The following ARFGEF3 variants were observed in gnomAD, a reference collection of about 807,000 sequenced individuals.
ARFGEF3 encodes brefeldin A-inhibited guanine nucleotide-exchange protein 3.
ARFGEF3 carries 96 observed loss-of-function variants against 221.7 expected under a neutral mutation model. The ratio of observed to expected loss-of-function variants is 0.43; its 90% CI spans 0.37 to 0.51. The LOEUF (loss-of-function observed/expected upper bound fraction) is 0.51, where lower values mean the gene tolerates loss of function less well. Ranked by LOEUF, ARFGEF3 falls within the 20% of genes least tolerant of loss-of-function variation. The probability of loss-of-function intolerance (pLI) is 0.00; values close to 1 mark genes in which losing one functional copy is unlikely to be tolerated. For missense variants in ARFGEF3, 2,410 were observed against 2,789.9 expected, an observed-to-expected ratio of 0.86 and a Z score of 3.07; for synonymous variants, 1,145 against 1,126.8, an observed-to-expected ratio of 1.02 and a Z score of -0.32.
intron 14 of ARFGEF3, among the ~76,000 whole-genome samples, chr6:138,282,204 C>G (rs1248125828): frequency 6.6e-6 from 1 of 152,222 alleles, no homozygotes; most frequent in Admixed American, 6.5e-5. Context: ...ATCTGCCTGC[C>G]TCAGCCTCCC....
In ARFGEF3 at chr6:138,285,931, C is replaced by G. The variant is rs761135473; in HGVS notation, c.2462-15C>G. The G allele has an allele frequency of 3.2e-6, 5 of 1,572,218 alleles. No individual in the cohort carries two copies. The Admixed American group carries it at 8.4e-5, about 26-fold the overall frequency. On this transcript the variant is annotated splice_polypyrimidine_tract_variant and intron_variant, in intron 14 of 33. Coordinates refer to ENST00000251691, the MANE Select transcript of ARFGEF3 (RefSeq NM_020340.5). Reference sequence around the variant, plus strand: ...TGTTTTATTTAGGGAAAACTTCTTTCTTTTTCCTTGACAGATATTGACGGC... The same window carrying G: ...TGTTTTATTTAGGGAAAACTTCTTTGTTTTTCCTTGACAGATATTGACGGC...
At chr6:138,321,698 G>T (rs1363436700) in intron 29 of ARFGEF3, among the ~76,000 whole-genome samples, 1 of 152,136 alleles carries the variant, frequency 6.6e-6, no homozygotes, top group Non-Finnish European at 1.5e-5. Flanking sequence ...AAAAATAGAG[G>T]TATCATACAA....
chr6:138,296,019 C>T (rs1009780386), intron 20 of ARFGEF3, among the ~76,000 whole-genome samples: 3 of 152,118 alleles, frequency 2.0e-5, no homozygotes, highest in African/African-American at 7.2e-5. Context: ...AGGGAGAGAG[C>T]GGGGAAGATG....
intron 8 of ARFGEF3, among the ~76,000 whole-genome samples, chr6:138,248,577 A>G (rs1778527674): frequency 6.6e-6 from 1 of 152,196 alleles, no homozygotes; most frequent in Non-Finnish European, 1.5e-5. Flanking sequence ...GGCTCATGGT[A>G]GTTATGCCAG....
In ARFGEF3 at chr6:138,169,931, C is replaced by T. The variant is rs1438444931; in HGVS notation, c.86-731C>T. ...CCCCAATGAAAATAGTTCAGATAGACAGGGCTTGTTGACTCCAAGGAGTGA... is the reference window on the plus strand; with the variant it reads ...CCCCAATGAAAATAGTTCAGATAGATAGGGCTTGTTGACTCCAAGGAGTGA... On this transcript the variant is annotated intron_variant, in intron 1 of 33. Transcript: ENST00000251691. 2.0e-5 allele frequency among the ~76,000 whole-genome samples: 3 copies of T among 152,280 alleles called. No individual in the cohort carries two copies. The East Asian group carries it at 5.8e-4, about 29-fold the overall frequency.
intron 2 of ARFGEF3, among the ~76,000 whole-genome samples, chr6:138,184,946 G>T (rs536256060): frequency 1.3e-5 from 2 of 152,228 alleles, no homozygotes; most frequent in East Asian, 3.9e-4. Flanking sequence ...TAGTTTAGGG[G>T]GTAATTATTT....
At chr6:138,236,131 T>C (rs1350829183) in intron 5 of ARFGEF3, among the ~76,000 whole-genome samples, 1 of 152,238 alleles carries the variant, frequency 6.6e-6, no homozygotes, top group African/African-American at 2.4e-5. Context: ...GTGAATGATG[T>C]AATTTTTTAA....
intron 17 of ARFGEF3, 44 bp downstream of exon 17, chr6:138,287,228 G>C: frequency 7.1e-7 from 1 of 1,410,876 alleles, no homozygotes. Context: ...CTTGGGTGCA[G>C]TATGCACACA....
rs117297525 is a variant in ARFGEF3, at chr6:138,308,291, G to A, written c.3974-448G>A. Among the ~76,000 whole-genome samples the A allele has an allele frequency of 3.9e-3, 588 of 152,262 alleles. 4 individuals carry two copies. The highest frequency in any genetic ancestry group is 6.8e-3 in the Middle Eastern group (2 of 294). On this transcript the variant is annotated intron_variant, in intron 23 of 33. Coordinates refer to ENST00000251691, the MANE Select transcript of ARFGEF3 (RefSeq NM_020340.5). ...CTGAGAGCTGAGTTCCCAGACACCC[G>A]CCAAAGGCCAATTTTGCAAGCAAGC...
intron 33 of ARFGEF3, among the ~76,000 whole-genome samples, chr6:138,335,809 A>AAAGC (rs1406634558): frequency 6.6e-6 from 1 of 152,220 alleles, no homozygotes; most frequent in Non-Finnish European, 1.5e-5. Flanking sequence ...ATAAAAGAAA[A>AAAGC]AAGCAAAGTA....
chr6:138,241,631 A>G (rs1778394566), intron 6 of ARFGEF3, among the ~76,000 whole-genome samples: 1 of 152,232 alleles, frequency 6.6e-6, no homozygotes, highest in African/African-American at 2.4e-5. Context: ...TGATTGAGAT[A>G]CTTGCCTCAG....
chr6:138,315,927 A>C (rs1779918587), intron 26 of ARFGEF3, among the ~76,000 whole-genome samples: 1 of 152,040 alleles, frequency 6.6e-6, no homozygotes, highest in Non-Finnish European at 1.5e-5. Flanking sequence ...ATAGAGAACA[A>C]TTAAAGTATT....
chr6:138,165,435 C>A (rs865776602), intron 1 of ARFGEF3, among the ~76,000 whole-genome samples: 1 of 151,338 alleles, frequency 6.6e-6, no homozygotes, highest in African/African-American at 2.4e-5. Flanking sequence ...CTCACTTAGA[C>A]GCTCATGGGA....
At chr6:138,206,002 T>A (rs919741948) in intron 2 of ARFGEF3, among the ~76,000 whole-genome samples, 2 of 152,248 alleles carry the variant, frequency 1.3e-5, no homozygotes, top group African/African-American at 4.8e-5. Flanking sequence ...AACCCTTATT[T>A]CTCCAATGAT....
rs547175573 is a variant in ARFGEF3 at position 138,329,445 on chromosome 6, C to T, written c.5123+1303C>T. ...TTTAGGACCCAAGGCAGACAGATCA[C>T]CTGAGGTCAGGAGTTTCAGACCAGC... On this transcript the variant is annotated intron_variant, in intron 32 of 33. Coordinates refer to ENST00000251691, the MANE Select transcript of ARFGEF3 (RefSeq NM_020340.5). Among the ~76,000 whole-genome samples, 46 of 152,228 alleles carry T rather than the reference C, an allele frequency of 3.0e-4. No homozygotes were observed. The South Asian group carries it at 9.1e-3, about 30-fold the overall frequency.
At chr6:138,336,218 A>G (rs1780318487) in intron 33 of ARFGEF3, 77 bp from the exon 34 acceptor site, 25 of 1,164,016 alleles carry the variant, frequency 2.1e-5, no homozygotes, top group Non-Finnish European at 1.9e-5. Flanking sequence ...CCATTTCCAC[A>G]TTGGCAGGGC....
rs571774778 is a variant in ARFGEF3 at position 138,333,415 on chromosome 6, CA to C, written c.5124-554del. Reference sequence around the variant, plus strand: ...GATATCTTGACAACTATTAATTTGGCATAATAACTTATATTCTATAGCTTTG... The same window carrying C: ...GATATCTTGACAACTATTAATTTGGCTAATAACTTATATTCTATAGCTTTG... On this transcript the variant is annotated intron_variant, in intron 32 of 33. Transcript: ENST00000251691. 3.6e-3 allele frequency among the ~76,000 whole-genome samples: 548 copies of C among 152,244 alleles called. 1 individual carries two copies. Among genetic ancestry groups the C allele is most frequent in the African/African-American group, 0.012 (515 of 41,520 alleles).
intron 5 of ARFGEF3, among the ~76,000 whole-genome samples, chr6:138,235,824 A>G (rs1778275164): frequency 6.6e-6 from 1 of 152,144 alleles, no homozygotes; most frequent in African/African-American, 2.4e-5. Context: ...ATTTAATGGG[A>G]TACCTTTTTG....
chr6:138,286,761 C>A lies in ARFGEF3; in HGVS notation c.2630C>A (p.Ser877Ter). ...GCWKNLIDTLSTPLTGRMAGS... is the reference protein window; with the variant it reads ...GCWKNLIDTL ...TGGAAGAACTTGATCGATACTTTAT[C>A]AACCCCACTGACTGGTCGAATGGCG... The change falls in exon 16 of 34, where the codon TCA (serine) becomes TAA (stop). Residue 877 changes from serine to a stop codon, truncating the protein, a stop_gained. Coordinates refer to ENST00000251691, the MANE Select transcript of ARFGEF3 (RefSeq NM_020340.5). LOFTEE classifies it high-confidence loss of function. 6.2e-7 allele frequency: 1 copy of A among 1,614,076 alleles called. No individual in the cohort carries two copies. Among genetic ancestry groups the A allele is most frequent in the South Asian group, 1.1e-5 (1 of 91,088 alleles).
Sources: gnomAD v4.1 joint callset for allele counts (sites outside exome capture counted in the v4.1 genomes callset) on GRCh38, gnomAD v4.1.1 for gene constraint, MANE v1.5 for transcripts, NCBI Gene and HGNC (gene_info 2026-07-23, HGNC 2026-07-21) for gene names.